Variants in CFAP77 observed in about 807,000 individuals in gnomAD.
CFAP77 encodes the protein cilia- and flagella-associated protein 77.
Under a neutral mutation model 31.1 loss-of-function variants are expected in CFAP77, and 25 were observed. That is an observed-to-expected ratio of 0.80 (90% confidence interval 0.59 to 1.12). The LOEUF (loss-of-function observed/expected upper bound fraction) is 1.12. Among genes scored for constraint, CFAP77 ranks in the 50% most tolerant of loss-of-function variants. The pLI, the probability that CFAP77 is intolerant of heterozygous loss-of-function variation, is 0.00. For synonymous variants in CFAP77, 151 were observed against 159.9 expected (o/e 0.94, Z 0.42); for missense variants, 377 against 397.3 (o/e 0.95, Z 0.44).
chr9:132,436,454 T>C (rs138006432), intron 1 of CFAP77, among the ~76,000 whole-genome samples: 114 of 152,372 alleles, frequency 7.5e-4, no homozygotes, highest in Admixed American at 2.0e-3. Flanking sequence ...TCACAGGTTC[T>C]GGGGACATAC....
chr9:132,524,803 C>G (rs913806071), intron 3 of CFAP77, among the ~76,000 whole-genome samples: 2 of 149,346 alleles, frequency 1.3e-5, no homozygotes, highest in Non-Finnish European at 3.0e-5. Flanking sequence ...CGCCCGCCAC[C>G]ACGCCCAGCT....
chr9:132,570,716 T>C (rs1043915347), intron 5 of CFAP77, among the ~76,000 whole-genome samples: 2 of 152,172 alleles, frequency 1.3e-5, no homozygotes, highest in African/African-American at 4.8e-5. Context: ...TGGTCACCAT[T>C]TGATTTTTAT....
At chr9:132,549,435 G>A (rs1055636745) in intron 5 of CFAP77, among the ~76,000 whole-genome samples, 1 of 152,170 alleles carries the variant, frequency 6.6e-6, no homozygotes, top group African/African-American at 2.4e-5. Flanking sequence ...AGGGCAATGG[G>A]AAGAATGATT....
intron 5 of CFAP77, among the ~76,000 whole-genome samples, chr9:132,556,397 G>A (rs1852905839): frequency 6.6e-6 from 1 of 152,166 alleles, no homozygotes. Context: ...CATCATCTGG[G>A]TTCTGCAAAG....
chr9:132,413,770 C>T (rs975237097), intron 1 of CFAP77, among the ~76,000 whole-genome samples: 4 of 152,098 alleles, frequency 2.6e-5, no homozygotes, highest in Admixed American at 6.6e-5. Flanking sequence ...TGCCTATGTA[C>T]GGGGGTGGAA....
chr9:132,484,583 G>A (rs773654764), intron 1 of CFAP77, among the ~76,000 whole-genome samples: 14 of 152,102 alleles, frequency 9.2e-5, no homozygotes, highest in Non-Finnish European at 1.3e-4. Context: ...TCCCGGTTAC[G>A]GCTGAATAAT....
intron 4 of CFAP77, 111 bp downstream of exon 4, chr9:132,537,817 G>A: frequency 1.3e-6 from 1 of 771,840 alleles, no homozygotes; most frequent in East Asian, 2.6e-5. Context: ...CATTGGGGAT[G>A]AGTGGGAAAT....
At chr9:132,516,262 T>C (rs1852144598) in intron 3 of CFAP77, among the ~76,000 whole-genome samples, 1 of 152,210 alleles carries the variant, frequency 6.6e-6, no homozygotes. Flanking sequence ...AAACTAAGCA[T>C]GTCTGCAGGC....
intron 5 of CFAP77, among the ~76,000 whole-genome samples, chr9:132,566,386 T>C (rs571213929): frequency 1.6e-4 from 25 of 152,218 alleles, no homozygotes; most frequent in Non-Finnish European, 3.1e-4. Context: ...GAGACAACGA[T>C]GGTGCCGGCC....
chr9:132,557,947 T>C (rs1366237295), intron 5 of CFAP77, among the ~76,000 whole-genome samples: 1 of 152,204 alleles, frequency 6.6e-6, no homozygotes, highest in East Asian at 1.9e-4. Context: ...TCCATGTTGA[T>C]CTTTTAGAGT....
intron 1 of CFAP77, among the ~76,000 whole-genome samples, chr9:132,425,382 A>G (rs1252507805): frequency 2.6e-5 from 4 of 151,230 alleles, no homozygotes; most frequent in Admixed American, 1.3e-4. Flanking sequence ...TCTCTCTCCA[A>G]CCTCGCTCCC....
Position 132,410,344 on chromosome 9 carries a change from G to C in CFAP77, c.73G>C (p.Val25Leu). ...RKQQQPVRRTVSQVCPPPRRP... is the reference protein window; with the variant it reads ...RKQQQPVRRTLSQVCPPPRRP... ...GCAGCAGCAGCCTGTGCGCCGCACGGTCAGCCAGGTCTGCCCGCCCCCGCG... is the reference window on the plus strand; with the variant it reads ...GCAGCAGCAGCCTGTGCGCCGCACGCTCAGCCAGGTCTGCCCGCCCCCGCG... Residue 25 changes from valine to leucine, a missense_variant, in exon 1 of 6, where the codon GTC becomes CTC. Coordinates refer to ENST00000393216, the MANE Select transcript of CFAP77 (RefSeq NM_001282957.2). 6.3e-7 allele frequency: 1 copy of C among 1,597,794 alleles called. No individual in the cohort carries two copies. Among genetic ancestry groups the C allele is most frequent in the Non-Finnish European group, 8.5e-7 (1 of 1,173,542 alleles).
chr9:132,492,421 G>T (rs1255612108), intron 1 of CFAP77, among the ~76,000 whole-genome samples: 1 of 152,164 alleles, frequency 6.6e-6, no homozygotes, highest in Non-Finnish European at 1.5e-5. Flanking sequence ...GGAAGTCAAG[G>T]CTCACCTGTT....
Position 132,572,016 on chromosome 9 carries a change from G to A in CFAP77, c.733-372G>A, listed in dbSNP as rs140400543. On this transcript the variant is annotated intron_variant, in intron 5 of 5. Transcript: ENST00000393216. The stretch of plus-strand genomic sequence containing the variant: ...AATTCCCAGCAAGGGAGTGCAGACA[G>A]GGTCAGGAGGTCCCCCTTGGAGAGG... 2.5e-4 allele frequency among the ~76,000 whole-genome samples: 38 copies of A among 152,226 alleles called. No homozygotes were observed. The East Asian group carries it at 7.1e-3, about 29-fold the overall frequency.
intron 1 of CFAP77, among the ~76,000 whole-genome samples, chr9:132,428,546 C>T (rs1220964977): frequency 1.3e-5 from 2 of 152,094 alleles, no homozygotes; most frequent in African/African-American, 4.8e-5. Context: ...ACCCGGGAGG[C>T]GGAGGTTGTA....
intron 1 of CFAP77, chr9:132,482,439 A>G: frequency 8.8e-6 from 14 of 1,587,956 alleles, no homozygotes; most frequent in Non-Finnish European, 1.2e-5. Flanking sequence ...TTCTGCTAAA[A>G]TAATGTCACC....
At chr9:132,549,419 G>A (rs56085334) in intron 5 of CFAP77, among the ~76,000 whole-genome samples, 13,296 of 152,232 alleles carry the variant, frequency 0.087, 612 homozygotes, top group Middle Eastern at 0.13. Context: ...TGTCACATGC[G>A]GAAATAGGGC....
rs963117486 is a variant in CFAP77 at position 132,459,397 on chromosome 9, C to T, written c.196-39298C>T. Among the ~76,000 whole-genome samples the T allele has an allele frequency of 4.0e-5, 6 of 151,258 alleles. No individual in the cohort carries two copies. The East Asian group carries it at 5.8e-4, about 15-fold the overall frequency. On this transcript the variant is annotated intron_variant, in intron 1 of 5. Coordinates refer to ENST00000393216, the MANE Select transcript of CFAP77 (RefSeq NM_001282957.2). The stretch of plus-strand genomic sequence containing the variant: ...CCCTGGAACTAATTTATCCCATGCA[C>T]CTAATGTGGCCTGGATGAATAGGGT...
At chr9:132,476,344 T>C (rs746415537) in intron 1 of CFAP77, among the ~76,000 whole-genome samples, 7 of 152,092 alleles carry the variant, frequency 4.6e-5, no homozygotes, top group Non-Finnish European at 8.8e-5. Flanking sequence ...ACCCTCCTCT[T>C]GTGGGGCTGG....
Sources: allele counts gnomAD v4.1 joint callset (sites outside exome capture counted in the v4.1 genomes callset), GRCh38; gene constraint gnomAD v4.1.1; transcripts MANE v1.5; gene names NCBI Gene and HGNC (gene_info 2026-07-23, HGNC 2026-07-21).